TRNAU1AP: variants seen among roughly 807,000 people sequenced by gnomAD.
TRNAU1AP encodes the protein tRNA selenocysteine 1 associated protein 1.
TRNAU1AP carries 33 observed loss-of-function variants against 43.3 expected under a neutral mutation model. The observed-to-expected ratio is 0.76, with a 90% CI of 0.58 to 1.02. TRNAU1AP has a LOEUF of 1.02. Among genes scored for constraint, TRNAU1AP ranks in the 50% least tolerant of loss-of-function variants. TRNAU1AP has a pLI of 0.00. For missense variants in TRNAU1AP, 290 were observed against 362.7 expected (o/e 0.80, Z 1.63); for synonymous variants, 143 against 129.1 (o/e 1.11, Z -0.73).
chr1:28,569,831 CA>C (rs760723401), intron 6 of TRNAU1AP, among the ~76,000 whole-genome samples: 38,990 of 105,980 alleles, frequency 0.37, 6,603 homozygotes, highest in African/African-American at 0.52. Context: ...CTAAAAATAC[CA>C]AAAAAAAAAA....
In TRNAU1AP at chr1:28,563,760, G is replaced by A. The variant is rs574119304; in HGVS notation, c.279-943G>A. Among the ~76,000 whole-genome samples, 17 of 152,114 alleles carry A rather than the reference G, an allele frequency of 1.1e-4. No homozygotes were observed. The South Asian group carries it at 3.3e-3, about 30-fold the overall frequency. On this transcript the variant is annotated intron_variant, in intron 4 of 8. Transcript: ENST00000373830. ...CCAGCCACTTGGGCGGCTGAGGCAA[G>A]AGAATCGCTTAAACCCAGAAGGCAG...
At chr1:28,557,787 C>T (rs1665301293) in intron 2 of TRNAU1AP, among the ~76,000 whole-genome samples, 1 of 151,946 alleles carries the variant, frequency 6.6e-6, no homozygotes, top group Admixed American at 6.6e-5. Context: ...CAGGTTTTCA[C>T]CATGTTGGCC....
intron 6 of TRNAU1AP, among the ~76,000 whole-genome samples, chr1:28,569,332 T>C (rs759564045): frequency 5.3e-5 from 8 of 152,060 alleles, no homozygotes; most frequent in Non-Finnish European, 1.2e-4. Flanking sequence ...GAGTTCAAGG[T>C]TACAATGAGC....
intron 2 of TRNAU1AP, among the ~76,000 whole-genome samples, chr1:28,559,953 A>G (rs1665368104): frequency 6.6e-6 from 1 of 152,058 alleles, no homozygotes; most frequent in Non-Finnish European, 1.5e-5. Context: ...CCAACATGGC[A>G]AAATCCCATC....
At position 28,561,368 on chromosome 1, in the gene TRNAU1AP, A is replaced by G; in HGVS notation, c.248A>G (p.Tyr83Cys). ...ATPAKRFKLN[Y>C]ATYGKQPDNS... is the part of the protein sequence containing the mutation. ...CAGGCGAAACGTTTTAAACTGAACT[A>G]TGCCACTTACGGGAAACAACCAGAT... The change falls in exon 4 of 9, where the codon TAT (tyrosine) becomes TGT (cysteine). Residue 83 changes from tyrosine (Y) to cysteine (C), a missense_variant. Around this residue, in one of 3 missense-constraint regions of TRNAU1AP, gnomAD observed 174 missense variants for 262.1 expected, o/e 0.66. Transcript: ENST00000373830. 1 of 1,614,206 alleles carries G rather than the reference A, an allele frequency of 6.2e-7. No homozygotes were observed. Among genetic ancestry groups the G allele is most frequent in the Non-Finnish European group, 8.5e-7 (1 of 1,180,042 alleles).
At position 28,577,587 on chromosome 1, in the gene TRNAU1AP, A is replaced by G; in HGVS notation, c.815A>G (p.His272Arg). ...EELYDALMDCHWQPLDTVSSE... is the reference protein window; with the variant it reads ...EELYDALMDCRWQPLDTVSSE... ...CTGTATGACGCTCTGATGGACTGTC[A>G]CTGGCAGCCCCTGGACACAGTGTCT... Residue 272 changes from histidine (H) to arginine (R), a missense_variant, in exon 9 of 9, where the codon CAC becomes CGC. Physicochemically the swap from His to Arg is conservative, Grantham distance 29. Around this residue, in one of 3 missense-constraint regions of TRNAU1AP, gnomAD observed 57 missense variants for 55.1 expected, o/e 1.03. Transcript: ENST00000373830. 1 of 1,614,170 alleles carries G rather than the reference A, an allele frequency of 6.2e-7. No homozygotes were observed.
Position 28,567,425 on chromosome 1 carries a change from A to G in TRNAU1AP, c.530+12A>G, listed in dbSNP as rs374157319. The G allele has an allele frequency of 7.5e-6, 12 of 1,592,832 alleles. No individual in the cohort carries two copies. Among genetic ancestry groups the G allele is most frequent in the Non-Finnish European group, 1.0e-5 (12 of 1,174,724 alleles). ...GCAATCCCTAAAGCGTGAGTCCTGC[A>G]GGGAAGGTAGAGAGACTCTAGACTC... On this transcript the variant is annotated intron_variant, in intron 6 of 8. Coordinates refer to ENST00000373830, the MANE Select transcript of TRNAU1AP (RefSeq NM_017846.5).
chr1:28,570,948 C>A (rs1456619603), intron 6 of TRNAU1AP, among the ~76,000 whole-genome samples: 2 of 151,968 alleles, frequency 1.3e-5, no homozygotes, highest in African/African-American at 2.4e-5. Flanking sequence ...ACCTGTAGTC[C>A]CAGCTACTCA....
intron 8 of TRNAU1AP, 86 bp downstream of exon 8, chr1:28,571,986 A>G (rs1665671952): frequency 4.2e-6 from 5 of 1,202,054 alleles, no homozygotes; most frequent in South Asian, 1.2e-5. Context: ...GAGGGAAGAC[A>G]AGATAAATTC....
At chr1:28,573,632 G>T (rs1665711318) in intron 8 of TRNAU1AP, among the ~76,000 whole-genome samples, 1 of 152,054 alleles carries the variant, frequency 6.6e-6, no homozygotes, top group African/African-American at 2.4e-5. Context: ...AATTAGCCAG[G>T]CGTGGTGTTG....
At chr1:28,558,062 A>ATTTTTG (rs1665313845) in intron 2 of TRNAU1AP, among the ~76,000 whole-genome samples, 4 of 122,110 alleles carry the variant, frequency 3.3e-5, no homozygotes, top group South Asian at 2.6e-4. Context: ...TGCCTGGCTA[A>ATTTTTG]TTTTTTTTTT....
chr1:28,559,714 T>C (rs1665362767), intron 2 of TRNAU1AP, among the ~76,000 whole-genome samples: 1 of 152,288 alleles, frequency 6.6e-6, no homozygotes, highest in South Asian at 2.1e-4. Context: ...TTGTGGTGTT[T>C]TGCATAGTCT....
intron 8 of TRNAU1AP, among the ~76,000 whole-genome samples, chr1:28,575,854 GGCTTTTTTT>G (rs1665766736): frequency 8.0e-6 from 1 of 124,884 alleles, no homozygotes; most frequent in African/African-American, 3.1e-5. Flanking sequence ...CACTGCGCCT[GGCTTTTTTT>G]TTTTTTTTTT....
chr1:28,561,495 C>A, intron 4 of TRNAU1AP, 97 bp downstream of exon 4: 1 of 1,402,884 alleles, frequency 7.1e-7, no homozygotes, highest in Non-Finnish European at 1.0e-6. Context: ...GCACTTGGTT[C>A]CCTCCTGAAG....
At chr1:28,576,613 G>A (rs1425630724) in intron 8 of TRNAU1AP, among the ~76,000 whole-genome samples, 3 of 148,950 alleles carry the variant, frequency 2.0e-5, no homozygotes, top group Admixed American at 6.8e-5. Flanking sequence ...CACCGCGCCC[G>A]GCCGAGACGG....
At chr1:28,571,786 A>AAAAATAAAAATAAAAAT in intron 7 of TRNAU1AP, 81 bp from the exon 8 acceptor site, 3 of 1,008,576 alleles carry the variant, frequency 3.0e-6, no homozygotes, top group Non-Finnish European at 2.9e-6. Flanking sequence ...CCACCTCAAA[A>AAAAATAAAAATAAAAAT]AAAATAAAAA....
At chr1:28,557,033 C>T (rs933719308) in intron 2 of TRNAU1AP, among the ~76,000 whole-genome samples, 15 of 147,678 alleles carry the variant, frequency 1.0e-4, no homozygotes, top group African/African-American at 3.2e-4. Flanking sequence ...AGGCTAGCCT[C>T]GAACTCCTGA....
chr1:28,576,901 T>A (rs985782082), intron 8 of TRNAU1AP, among the ~76,000 whole-genome samples: 1 of 152,042 alleles, frequency 6.6e-6, no homozygotes, highest in Non-Finnish European at 1.5e-5. Context: ...GCAGAAAAAA[T>A]TTTTAATAGT....
chr1:28,567,775 GA>G (rs148223160), intron 6 of TRNAU1AP, among the ~76,000 whole-genome samples: 3 of 152,114 alleles, frequency 2.0e-5, no homozygotes, highest in Admixed American at 1.3e-4. Flanking sequence ...GAATAAAGGG[GA>G]AAAAATTACT....
Sources: gnomAD v4.1 joint callset for allele counts (sites outside exome capture counted in the v4.1 genomes callset) on GRCh38, gnomAD v4.1.1 for gene constraint, gnomAD v4.1.1 regional missense constraint, MANE v1.5 for transcripts, NCBI Gene and HGNC (gene_info 2026-07-23, HGNC 2026-07-21) for gene names.